KIAA0825: variants seen among roughly 807,000 people sequenced by gnomAD.
KIAA0825 encodes KIAA0825.
In KIAA0825, 119 loss-of-function variants were observed where a neutral mutation model predicts 147.6. The observed-to-expected ratio is 0.81, with a 90% CI of 0.69 to 0.94. The LOEUF is 0.94. KIAA0825 is among the 40% of genes least tolerant of loss of function. The pLI is 0.00. For missense variants in KIAA0825, 1,381 were observed against 1,472.7 expected, an observed-to-expected ratio of 0.94 and a Z score of 1.02; for synonymous variants, 470 against 518.1, an observed-to-expected ratio of 0.91 and a Z score of 1.26.
chr5:94,445,806 T>A (rs1757652392), intron 13 of KIAA0825, among the ~76,000 whole-genome samples: 1 of 152,338 alleles, frequency 6.6e-6, no homozygotes, highest in East Asian at 1.9e-4. Flanking sequence ...CCATAGACAC[T>A]GACTTCCCTC....
chr5:94,483,591 T>G (rs1023167767), intron 6 of KIAA0825, among the ~76,000 whole-genome samples: 31 of 147,826 alleles, frequency 2.1e-4, no homozygotes, highest in East Asian at 3.9e-4. Context: ...TTTGGGGGGG[T>G]TTTTTTTGGG....
chr5:94,396,912 C>G (rs993191476), intron 16 of KIAA0825, among the ~76,000 whole-genome samples: 1 of 151,998 alleles, frequency 6.6e-6, no homozygotes, highest in Non-Finnish European at 1.5e-5. Flanking sequence ...ATCATTTCAG[C>G]TCTCCTCAGG....
Position 94,289,631 on chromosome 5 carries a change from G to GT in KIAA0825, c.3710+94736dup, listed in dbSNP as rs986133716. 6.6e-5 allele frequency among the ~76,000 whole-genome samples: 10 copies of GT among 151,904 alleles called. No individual in the cohort carries two copies. In the East Asian group the frequency reaches 7.7e-4, roughly 12 times the overall value. On this transcript the variant is annotated intron_variant, in intron 20 of 20. Transcript: ENST00000682413. ...TGTTCTAAAGAAAAGAAGAATGGCTGTTTTTTGAAATTTGGTTGAGGTCTT... is the reference window on the plus strand; with the variant it reads ...TGTTCTAAAGAAAAGAAGAATGGCTGTTTTTTTGAAATTTGGTTGAGGTCTT...
chr5:94,548,902 C>T (rs975565161), intron 2 of KIAA0825, among the ~76,000 whole-genome samples: 10 of 151,872 alleles, frequency 6.6e-5, no homozygotes, highest in African/African-American at 2.4e-4. Flanking sequence ...ATATATGCAC[C>T]CAACACTGGA....
intron 20 of KIAA0825, among the ~76,000 whole-genome samples, chr5:94,233,736 A>C (rs1774869211): frequency 6.6e-6 from 1 of 152,210 alleles, no homozygotes; most frequent in African/African-American, 2.4e-5. Flanking sequence ...GCCCTCCAGA[A>C]ACAAAAGTGA....
intron 20 of KIAA0825, among the ~76,000 whole-genome samples, chr5:94,289,210 G>A (rs1224454511): frequency 6.6e-6 from 1 of 152,130 alleles, no homozygotes; most frequent in Non-Finnish European, 1.5e-5. Context: ...ACAGAAGACA[G>A]AAGAGTTTTC....
At chr5:94,562,098 A>T (rs536265832) in intron 2 of KIAA0825, among the ~76,000 whole-genome samples, 1 of 152,280 alleles carries the variant, frequency 6.6e-6, no homozygotes, top group South Asian at 2.1e-4. Context: ...CTACAAAAAA[A>T]GGATGTTAGA....
intron 2 of KIAA0825, among the ~76,000 whole-genome samples, chr5:94,565,009 CCTCTCT>C (rs147820367): frequency 3.4e-4 from 40 of 116,738 alleles, no homozygotes; most frequent in African/African-American, 5.8e-4. Flanking sequence ...TCTCTCTCTC[CCTCTCT>C]CTCTCTCTCT....
chr5:94,473,299 A>T lies in KIAA0825; in HGVS notation c.1448T>A (p.Ile483Asn). 1 of 1,551,368 alleles carries T rather than the reference A, an allele frequency of 6.4e-7. No homozygotes were observed. The highest frequency in any genetic ancestry group is 8.7e-7 in the Non-Finnish European group (1 of 1,146,828). The change falls in exon 8 of 21, where the codon ATT becomes AAT. Residue 483 changes from isoleucine (I) to asparagine (N), a missense_variant. By Grantham distance (149) the Ile-to-Asn change is moderately radical. Transcript: ENST00000682413. Reference protein sequence around the residue: ...MFPEEEQPKKIGKFCSDIMEK... With the variant: ...MFPEEEQPKKNGKFCSDIMEK... Reference sequence around the variant, plus strand: ...AGGATTTCATATACTTGCTTTTCCAATTTTCTTTGGTTGTTCCTCCTCAGG... The same window carrying T: ...AGGATTTCATATACTTGCTTTTCCATTTTTCTTTGGTTGTTCCTCCTCAGG...
At chr5:94,533,064 T>C (rs1173719588) in intron 3 of KIAA0825, among the ~76,000 whole-genome samples, 21 of 151,444 alleles carry the variant, frequency 1.4e-4, no homozygotes, top group Admixed American at 2.6e-4. Flanking sequence ...CTGCAAGCTC[T>C]GCCTCCCGGG....
chr5:94,298,482 A>G (rs959164125), intron 20 of KIAA0825, among the ~76,000 whole-genome samples: 1 of 152,128 alleles, frequency 6.6e-6, no homozygotes, highest in African/African-American at 2.4e-5. Flanking sequence ...ATGCCCAGAA[A>G]TTTGAAGGCA....
At chr5:94,578,700 A>T (rs184851901) in intron 2 of KIAA0825, among the ~76,000 whole-genome samples, 1 of 152,314 alleles carries the variant, frequency 6.6e-6, no homozygotes. Context: ...AAAGATACTT[A>T]ATTCTAAATT....
chr5:94,581,865 C>G (rs1782249957), intron 2 of KIAA0825, among the ~76,000 whole-genome samples: 1 of 152,144 alleles, frequency 6.6e-6, no homozygotes, highest in Non-Finnish European at 1.5e-5. Flanking sequence ...TGGCTGGCAT[C>G]ATTATCTGCA....
intron 2 of KIAA0825, among the ~76,000 whole-genome samples, chr5:94,567,068 C>T (rs1042353009): frequency 1.3e-5 from 2 of 151,980 alleles, no homozygotes; most frequent in Non-Finnish European, 2.9e-5. Context: ...CAATAGAAAA[C>T]TTCATCTCTA....
chr5:94,238,639 A>G (rs1272282735), intron 20 of KIAA0825, among the ~76,000 whole-genome samples: 2 of 152,220 alleles, frequency 1.3e-5, no homozygotes, highest in Non-Finnish European at 2.9e-5. Context: ...TTAACAATCC[A>G]TATTACTTAT....
At chr5:94,324,470 G>A (rs1371893637) in intron 20 of KIAA0825, among the ~76,000 whole-genome samples, 1 of 151,838 alleles carries the variant, frequency 6.6e-6, no homozygotes, top group Non-Finnish European at 1.5e-5. Context: ...TGGGATTTGA[G>A]TTTAAAAATA....
intron 5 of KIAA0825, among the ~76,000 whole-genome samples, chr5:94,499,739 G>C: frequency 6.6e-6 from 1 of 152,086 alleles, no homozygotes; most frequent in Non-Finnish European, 1.5e-5. Context: ...TTTATTTTAA[G>C]AAAATGGTTC....
chr5:94,510,077 C>T (rs1766273654), intron 5 of KIAA0825, among the ~76,000 whole-genome samples: 1 of 152,110 alleles, frequency 6.6e-6, no homozygotes, highest in South Asian at 2.1e-4. Flanking sequence ...AATTTGGAGG[C>T]AATTTCTCTT....
At chr5:94,162,092 A>G (rs1185949147) in intron 20 of KIAA0825, among the ~76,000 whole-genome samples, 2 of 152,340 alleles carry the variant, frequency 1.3e-5, no homozygotes, top group East Asian at 3.9e-4. Context: ...CTTGCCCTGC[A>G]TACAATCTCT....
Sources: gnomAD v4.1 joint callset for allele counts (sites outside exome capture counted in the v4.1 genomes callset) on GRCh38, gnomAD v4.1.1 for gene constraint, MANE v1.5 for transcripts, NCBI Gene and HGNC (gene_info 2026-07-23, HGNC 2026-07-21) for gene names.